MEGF10: variants seen among roughly 807,000 people sequenced by gnomAD.
MEGF10 encodes multiple epidermal growth factor-like domains protein 10.
MEGF10 carries 86 observed loss-of-function variants against 147.5 expected under a neutral mutation model. That is an observed-to-expected ratio of 0.58 (90% confidence interval 0.49 to 0.70). The LOEUF is 0.70. Ranked by LOEUF, MEGF10 falls within the 30% of genes least tolerant of loss-of-function variation. MEGF10 has a pLI of 0.00. For synonymous variants in MEGF10, 478 were observed against 525.5 expected, an observed-to-expected ratio of 0.91 and a Z score of 1.24; for missense variants, 1,329 against 1,487.3, an observed-to-expected ratio of 0.89 and a Z score of 1.75.
intron 1 of MEGF10, among the ~76,000 whole-genome samples, chr5:127,316,632 A>T (rs1446946441): frequency 1.3e-5 from 2 of 152,188 alleles, no homozygotes; most frequent in Non-Finnish European, 2.9e-5. Context: ...ATTAAGAATA[A>T]TGATTTCAGG....
intron 18 of MEGF10, among the ~76,000 whole-genome samples, chr5:127,442,216 A>T (rs1765780235): frequency 1.3e-5 from 2 of 152,172 alleles, no homozygotes; most frequent in South Asian, 4.1e-4. Context: ...CTATTTTTGG[A>T]GACTTCTCCC....
At chr5:127,233,427 A>T in the MEGF10 span, among the ~76,000 whole-genome samples, 1 of 152,192 alleles carries the variant, frequency 6.6e-6, no homozygotes, top group Non-Finnish European at 1.5e-5. Context: ...CCAGGACACA[A>T]GCAGGTGTAG....
At chr5:127,273,545 T>C in the MEGF10 span, among the ~76,000 whole-genome samples, 1 of 152,368 alleles carries the variant, frequency 6.6e-6, no homozygotes, top group East Asian at 1.9e-4. Flanking sequence ...GTATATATGT[T>C]AAAGATACAG....
At chr5:127,270,217 A>G in the MEGF10 span, among the ~76,000 whole-genome samples, 3 of 152,186 alleles carry the variant, frequency 2.0e-5, no homozygotes, top group Non-Finnish European at 4.4e-5. Flanking sequence ...GACAGGATCA[A>G]ATTCACACAT....
chr5:127,237,034 CT>C, the MEGF10 span, among the ~76,000 whole-genome samples: 1 of 152,126 alleles, frequency 6.6e-6, no homozygotes, highest in East Asian at 1.9e-4. Context: ...CCCAAAGAAA[CT>C]AAGAAAGAAA....
intron 5 of MEGF10, among the ~76,000 whole-genome samples, chr5:127,388,606 C>T (rs1257064307): frequency 2.6e-5 from 4 of 151,326 alleles, no homozygotes; most frequent in Non-Finnish European, 4.4e-5. Flanking sequence ...AGTGCAGTGG[C>T]GCGATCTCAG....
upstream of MEGF10, among the ~76,000 whole-genome samples, chr5:127,286,988 G>A (rs1759049213): frequency 1.3e-5 from 2 of 151,786 alleles, no homozygotes; most frequent in South Asian, 4.2e-4. Flanking sequence ...AGAATGCAAG[G>A]CAAGTTTAAT....
chr5:127,339,139 G>C lies in MEGF10; in HGVS notation c.136G>C (p.Glu46Gln). ...TTTCAGCTACTCAGTGACTGTGCAAGAGTCATACCCACATCCCTTTGATCA... is the reference window on the plus strand; with the variant it reads ...TTTCAGCTACTCAGTGACTGTGCAACAGTCATACCCACATCCCTTTGATCA... The part of the protein sequence containing the change: ...HWESYSVTVQ[E>Q]SYPHPFDQIY... Residue 46 changes from glutamate (E) to glutamine (Q), a missense_variant, in exon 3 of 25, where the codon GAG (glutamate) becomes CAG (glutamine). By Grantham distance (29) the Glu-to-Gln change is conservative (BLOSUM62 2). This residue lies in a region of MEGF10 where 980 missense variants were observed against 1,085.9 expected (regional missense o/e 0.90). Coordinates refer to ENST00000503335, the MANE Select transcript of MEGF10 (RefSeq NM_001256545.2). 6.2e-7 allele frequency: 1 copy of C among 1,610,758 alleles called. No homozygotes were observed. Among genetic ancestry groups the C allele is most frequent in the Non-Finnish European group, 8.5e-7 (1 of 1,177,552 alleles).
intron 1 of MEGF10, among the ~76,000 whole-genome samples, chr5:127,327,709 C>G (rs983097106): frequency 5.0e-5 from 6 of 120,394 alleles, no homozygotes; most frequent in Non-Finnish European, 9.7e-5. Flanking sequence ...CTTTTCTTTT[C>G]TTTTCTTTTT....
intron 1 of MEGF10, among the ~76,000 whole-genome samples, chr5:127,328,298 A>G (rs1332285519): frequency 6.6e-6 from 1 of 152,150 alleles, no homozygotes; most frequent in Non-Finnish European, 1.5e-5. Context: ...AGCTCAGTTA[A>G]TTTTCTAATT....
chr5:127,424,261 G>C (rs1040476522), intron 13 of MEGF10: 44 of 697,322 alleles, frequency 6.3e-5, no homozygotes, highest in Non-Finnish European at 1.0e-4. Context: ...GCACCATACA[G>C]TTTTGATTAT....
chr5:127,454,786 G>T (rs1315415832), intron 23 of MEGF10, among the ~76,000 whole-genome samples, 176 bp downstream of exon 23: 2 of 152,210 alleles, frequency 1.3e-5, no homozygotes, highest in South Asian at 2.1e-4. Flanking sequence ...AAAGTGACCA[G>T]AGGTGGTCCT....
At chr5:127,342,318 CA>C (rs1381954431) in intron 4 of MEGF10, among the ~76,000 whole-genome samples, 49 of 152,140 alleles carry the variant, frequency 3.2e-4, no homozygotes, top group African/African-American at 1.0e-3. Flanking sequence ...TACCTGGGTT[CA>C]ACCTTACAAG....
intron 2 of MEGF10, among the ~76,000 whole-genome samples, chr5:127,336,183 C>T (rs1412824911): frequency 6.6e-6 from 1 of 151,450 alleles, no homozygotes; most frequent in Non-Finnish European, 1.5e-5. Flanking sequence ...AATTTATATG[C>T]AGTCAGTTCT....
chr5:127,316,912 G>A (rs546036670), intron 1 of MEGF10, among the ~76,000 whole-genome samples: 3 of 152,340 alleles, frequency 2.0e-5, no homozygotes, highest in African/African-American at 7.2e-5. Flanking sequence ...GAAAGTGACA[G>A]TTGATCCTTA....
chr5:127,336,285 C>T (rs745384954), intron 2 of MEGF10, among the ~76,000 whole-genome samples: 10 of 151,772 alleles, frequency 6.6e-5, no homozygotes, highest in Non-Finnish European at 1.0e-4. Flanking sequence ...ACTCCTATTT[C>T]CCCCAAGCTA....
intron 17 of MEGF10, among the ~76,000 whole-genome samples, chr5:127,439,870 G>T (rs946510942): frequency 5.9e-5 from 9 of 152,196 alleles, no homozygotes; most frequent in Non-Finnish European, 7.3e-5. Context: ...CGCATGAAAA[G>T]AATCTGGCAC....
At chr5:127,287,001 GCAGTT>G (rs1488958228), upstream of MEGF10, among the ~76,000 whole-genome samples, 1 of 151,828 alleles carries the variant, frequency 6.6e-6, no homozygotes, top group Non-Finnish European at 1.5e-5. Flanking sequence ...AGTTTAATAA[GCAGTT>G]CAGTTAACTA....
rs143893142 is a variant in MEGF10, at chr5:127,417,856, G to A, written c.1305+44G>A. 55 of 1,586,020 alleles carry A rather than the reference G, an allele frequency of 3.5e-5. No homozygotes were observed. The African/African-American group carries it at 6.9e-4, about 20-fold the overall frequency. On this transcript the variant is annotated intron_variant, in intron 10 of 24. Coordinates refer to ENST00000503335, the MANE Select transcript of MEGF10 (RefSeq NM_001256545.2). ...GGAGGAAGGAGAAGAGGGGTGCAGT[G>A]TGAAGCATCTCAATACCATGATTTA...
Sources: gnomAD v4.1 joint callset for allele counts (sites outside exome capture counted in the v4.1 genomes callset) on GRCh38, gnomAD v4.1.1 for gene constraint, gnomAD v4.1.1 regional missense constraint, MANE v1.5 for transcripts, NCBI Gene and HGNC (gene_info 2026-07-23, HGNC 2026-07-21) for gene names.